The following DNAH7 variants were observed in gnomAD, a reference collection of about 807,000 sequenced individuals.
The protein encoded by DNAH7 is axonemal beta dynein heavy chain 7.
Under a neutral mutation model 444.6 loss-of-function variants are expected in DNAH7, and 397 were observed. That is an observed-to-expected ratio of 0.89 (90% CI 0.82 to 0.97). The LOEUF is 0.97. DNAH7 is among the 50% of genes least tolerant of loss of function. The pLI, the probability that DNAH7 is intolerant of heterozygous loss-of-function variation, is 0.00. For missense variants in DNAH7, 4,902 were observed against 4,800.8 expected (o/e 1.02, Z -0.62); for synonymous variants, 1,636 against 1,624.4 (o/e 1.01, Z -0.17).
chr2:195,799,471 AC>A lies in DNAH7; in HGVS notation c.10177del (p.Val3393LeufsTer9). The A allele has an allele frequency of 6.3e-7, 1 of 1,590,970 alleles. No homozygotes were observed. The highest frequency in any genetic ancestry group is 8.5e-7 in the Non-Finnish European group (1 of 1,169,970). The stretch of plus-strand genomic sequence containing the variant: ...TATAAATTCCTGCAACATTGGAATA[AC>A]CTAGAAAGAGACAAGGATATAGTTG... The part of the protein sequence containing the change: ...LIIRCLRPDK[V>X]IPMLQEFIIN... On this transcript the variant is annotated frameshift_variant and splice_region_variant, in exon 55 of 65. Transcript: ENST00000312428. LOFTEE classifies it high-confidence loss of function.
At chr2:195,840,695 C>T (rs1698631617) in intron 47 of DNAH7, among the ~76,000 whole-genome samples, 1 of 151,722 alleles carries the variant, frequency 6.6e-6, no homozygotes, top group Admixed American at 6.6e-5. Context: ...AAACTGCTTT[C>T]CTAATGAATA....
chr2:195,855,777 G>T (rs931478349), intron 45 of DNAH7, 34 bp downstream of exon 45: 2 of 1,603,780 alleles, frequency 1.2e-6, no homozygotes, highest in African/African-American at 1.3e-5. Context: ...CGATAACTGA[G>T]AATTTGTCCA....
At chr2:196,030,197 T>G (rs1368989876) in intron 5 of DNAH7, among the ~76,000 whole-genome samples, 1 of 152,198 alleles carries the variant, frequency 6.6e-6, no homozygotes, top group Non-Finnish European at 1.5e-5. Context: ...TCTTACATGA[T>G]AGCAGAAAGA....
chr2:195,959,057 T>C (rs1283854275), intron 18 of DNAH7, among the ~76,000 whole-genome samples: 1 of 151,508 alleles, frequency 6.6e-6, no homozygotes, highest in Non-Finnish European at 1.5e-5. Flanking sequence ...CAAGACTCCA[T>C]CTCAAATTAA....
chr2:195,994,892 T>C lies in DNAH7; in HGVS notation c.1353+5812A>G, dbSNP rs951821333. On this transcript the variant is annotated intron_variant, in intron 12 of 64. Coordinates refer to ENST00000312428, the MANE Select transcript of DNAH7 (RefSeq NM_018897.3). ...GACAGGCCTTGACATTGGGCCAGCA[T>C]GTCCTCATCCTCAGACAGACTGTAG... 4.8e-5 allele frequency: 19 copies of C among 392,114 alleles called. No individual in the cohort carries two copies. In the Admixed American group the frequency reaches 6.4e-4, roughly 13 times the overall value. The allele number at this position is 392,114 out of a possible 1,614,324, so 24.3% of individuals were successfully genotyped here.
intron 1 of DNAH7, among the ~76,000 whole-genome samples, chr2:196,060,632 AG>A (rs1360631111): frequency 1.3e-5 from 2 of 152,210 alleles, no homozygotes; most frequent in African/African-American, 4.8e-5. Flanking sequence ...CATCAGAAAA[AG>A]TATCAGCCTT....
intron 15 of DNAH7, among the ~76,000 whole-genome samples, chr2:195,979,524 A>G (rs116020353): frequency 3.8e-4 from 58 of 152,294 alleles, no homozygotes; most frequent in Non-Finnish European, 6.3e-4. Context: ...TAAAAAGTAC[A>G]AAAACTTCAA....
chr2:195,864,178 C>G lies in DNAH7; in HGVS notation c.7477G>C (p.Val2493Leu). ...RNRLRKFPAL[V>L]NCCTIDWFQS... ...AACCAGTCAATGGTACAGCAGTTAA[C>G]AAGAGCAGGGAACTTTCTAAGACGA... Residue 2493 changes from valine (V) to leucine (L), a missense_variant, in exon 41 of 65, where the codon GTT becomes CTT. Physicochemically the swap from Val to Leu is conservative, Grantham distance 32 (BLOSUM62 1). Transcript: ENST00000312428. The G allele has an allele frequency of 1.9e-6, 3 of 1,614,104 alleles. No individual in the cohort carries two copies. The highest frequency in any genetic ancestry group is 1.7e-4 in the Middle Eastern group (1 of 6,060).
intron 15 of DNAH7, among the ~76,000 whole-genome samples, chr2:195,974,863 T>C (rs1692079804): frequency 6.6e-6 from 1 of 151,206 alleles, no homozygotes; most frequent in Non-Finnish European, 1.5e-5. Context: ...CCTTAAAGAC[T>C]GATACGTAAA....
intron 63 of DNAH7, 90 bp from the exon 64 acceptor site, chr2:195,740,959 G>T (rs889587287): frequency 1.6e-6 from 1 of 622,578 alleles, no homozygotes; most frequent in African/African-American, 1.9e-5. Context: ...TAAGTACTAT[G>T]CAGGTGATAC....
chr2:195,840,198 C>G lies in DNAH7; in HGVS notation c.8945+4804G>C, dbSNP rs535196490. Among the ~76,000 whole-genome samples the G allele has an allele frequency of 4.0e-5, 6 of 151,676 alleles. No homozygotes were observed. In the South Asian group the frequency reaches 6.2e-4, roughly 16 times the overall value. On this transcript the variant is annotated intron_variant, in intron 47 of 64. Coordinates refer to ENST00000312428, the MANE Select transcript of DNAH7 (RefSeq NM_018897.3). ...TTAATCTGGAAATGCAAGGCTAGTT[C>G]AACATTCAAAAATCAATCGGTACAA... is the stretch of plus-strand genomic sequence containing the variant.
At chr2:196,029,355 C>A (rs1695892277) in intron 5 of DNAH7, among the ~76,000 whole-genome samples, 1 of 151,976 alleles carries the variant, frequency 6.6e-6, no homozygotes, top group East Asian at 1.9e-4. Context: ...GTGAATAACG[C>A]CTGCCTAGAA....
intron 46 of DNAH7, among the ~76,000 whole-genome samples, chr2:195,851,606 G>A (rs1699367431): frequency 6.6e-6 from 1 of 152,186 alleles, no homozygotes; most frequent in Admixed American, 6.5e-5. Context: ...TAGTAGCTAG[G>A]TGATGATGGC....
chr2:196,044,888 G>A (rs1391010177), intron 5 of DNAH7, among the ~76,000 whole-genome samples: 2 of 152,008 alleles, frequency 1.3e-5, no homozygotes, highest in African/African-American at 4.8e-5. Flanking sequence ...GCAACATGGT[G>A]CAACCCCATC....
At chr2:195,772,085 G>A (rs1044688494) in intron 60 of DNAH7, among the ~76,000 whole-genome samples, 195 bp from the exon 61 acceptor site, 2 of 152,092 alleles carry the variant, frequency 1.3e-5, no homozygotes, top group African/African-American at 2.4e-5. Flanking sequence ...ACTATTGTTA[G>A]AGAGGAGGAA....
chr2:195,964,127 G>A (rs1418672872), intron 17 of DNAH7, among the ~76,000 whole-genome samples: 1 of 152,108 alleles, frequency 6.6e-6, no homozygotes, highest in Non-Finnish European at 1.5e-5. Context: ...GTAGAACTGT[G>A]GGGATGGGCA....
intron 10 of DNAH7, among the ~76,000 whole-genome samples, chr2:196,007,310 A>G (rs962031180): frequency 6.6e-6 from 1 of 152,210 alleles, no homozygotes; most frequent in Non-Finnish European, 1.5e-5. Flanking sequence ...CAAAGGTGCC[A>G]AGACAACTCA....
intron 9 of DNAH7, among the ~76,000 whole-genome samples, chr2:196,013,667 C>G (rs556718090): frequency 1.3e-5 from 2 of 152,192 alleles, no homozygotes; most frequent in South Asian, 4.1e-4. Context: ...TAATGTACTC[C>G]GTACATGACA....
intron 5 of DNAH7, among the ~76,000 whole-genome samples, chr2:196,038,696 T>C (rs1279804659): frequency 2.0e-5 from 3 of 152,164 alleles, no homozygotes; most frequent in African/African-American, 7.2e-5. Context: ...ATATCTTCAC[T>C]TTTAGTCCAT....
Sources: allele counts gnomAD v4.1 joint callset (sites outside exome capture counted in the v4.1 genomes callset), GRCh38; gene constraint gnomAD v4.1.1; transcripts MANE v1.5; gene names NCBI Gene and HGNC (gene_info 2026-07-23, HGNC 2026-07-21).